LPP: variants seen among roughly 807,000 people sequenced by gnomAD.
LPP encodes the protein LIM domain containing preferred translocation partner in lipoma.
In LPP, 38 loss-of-function variants were observed where a neutral mutation model predicts 60.4. The ratio of observed to expected loss-of-function variants is 0.63; its 90% CI spans 0.49 to 0.83. The LOEUF (loss-of-function observed/expected upper bound fraction) is 0.83, where lower values mean the gene tolerates loss of function less well. Among genes scored for constraint, LPP ranks in the 40% least tolerant of loss-of-function variants. The pLI is 0.00. For missense variants in LPP, 902 were observed against 783.6 expected (o/e 1.15, Z -1.80); for synonymous variants, 328 against 290.8 (o/e 1.13, Z -1.30).
At chr3:188,279,636 T>C (rs921928123) in intron 2 of LPP, among the ~76,000 whole-genome samples, 2 of 152,202 alleles carry the variant, frequency 1.3e-5, no homozygotes, top group Non-Finnish European at 2.9e-5. Context: ...AAGACCATCA[T>C]TTCTGTATCT....
Position 188,885,038 on chromosome 3 carries a change from T to C in LPP, c.*10559T>C, listed in dbSNP as rs1490415667. 2.3e-5 allele frequency: 5 copies of C among 214,392 alleles called. No homozygotes were observed. The East Asian group carries it at 2.8e-4, about 12-fold the overall frequency. The allele number at this position is 214,392 out of a possible 1,614,324, so 13.3% of individuals were successfully genotyped here. On this transcript the variant is annotated 3_prime_UTR_variant, in exon 12 of 12. Transcript: ENST00000617246. ...CCTCCTAGAAAGTCTCCATGTATGC[T>C]CTAGAAGTTGCTCTACGTAACAGTT...
chr3:188,439,426 A>G (rs1037379363), intron 4 of LPP, among the ~76,000 whole-genome samples: 1 of 152,240 alleles, frequency 6.6e-6, no homozygotes, highest in Non-Finnish European at 1.5e-5. Flanking sequence ...CTTGGCAGAG[A>G]GTAAAACAAA....
intron 6 of LPP, among the ~76,000 whole-genome samples, chr3:188,570,656 T>C (rs1047659360): frequency 6.6e-6 from 1 of 152,006 alleles, no homozygotes; most frequent in African/African-American, 2.4e-5. Context: ...TTAATCAATC[T>C]TAGTATTTCC....
At chr3:188,469,238 G>A (rs544137093) in intron 4 of LPP, among the ~76,000 whole-genome samples, 2 of 152,240 alleles carry the variant, frequency 1.3e-5, no homozygotes, top group African/African-American at 4.8e-5. Flanking sequence ...CTTAACCTTT[G>A]CAGATGTGGG....
chr3:188,470,681 T>C (rs1029781963), intron 4 of LPP, among the ~76,000 whole-genome samples: 3 of 152,004 alleles, frequency 2.0e-5, no homozygotes, highest in Non-Finnish European at 4.4e-5. Flanking sequence ...AGGATAGTAG[T>C]GTAGGGTGAC....
At chr3:188,448,390 A>ATATC (rs1795791176) in intron 4 of LPP, among the ~76,000 whole-genome samples, 3 of 151,770 alleles carry the variant, frequency 2.0e-5, no homozygotes, top group Admixed American at 2.0e-4. Flanking sequence ...CTATATTGAG[A>ATATC]TATCTATATT....
At chr3:188,324,719 T>C (rs1444159260) in intron 2 of LPP, among the ~76,000 whole-genome samples, 4 of 152,172 alleles carry the variant, frequency 2.6e-5, no homozygotes, top group South Asian at 4.1e-4. Flanking sequence ...GTGGCCTTTT[T>C]CCACACCATC....
At chr3:188,848,177 C>A (rs193077962) in intron 9 of LPP, among the ~76,000 whole-genome samples, 82 of 152,298 alleles carry the variant, frequency 5.4e-4, no homozygotes, top group African/African-American at 1.9e-3. Flanking sequence ...ATGATCTTAT[C>A]TAATTGTTAT....
At chr3:188,593,722 C>G (rs1175443470) in intron 6 of LPP, among the ~76,000 whole-genome samples, 2 of 152,136 alleles carry the variant, frequency 1.3e-5, no homozygotes, top group Non-Finnish European at 2.9e-5. Flanking sequence ...AGTTACTTCA[C>G]TTAGAATAAT....
intron 3 of LPP, among the ~76,000 whole-genome samples, chr3:188,404,212 A>G (rs973256142): frequency 1.3e-5 from 2 of 152,124 alleles, no homozygotes; most frequent in African/African-American, 4.8e-5. Flanking sequence ...GGTTGCCATA[A>G]AAATTCTGAG....
intron 1 of LPP, among the ~76,000 whole-genome samples, chr3:188,205,277 CT>C (rs34713244): frequency 0.043 from 4,398 of 103,434 alleles, 53 homozygotes; most frequent in African/African-American, 0.067. Flanking sequence ...AGATTATAAT[CT>C]TTTTTTTTTT....
At chr3:188,520,682 C>G (rs775193465) in intron 5 of LPP, among the ~76,000 whole-genome samples, 1 of 152,166 alleles carries the variant, frequency 6.6e-6, no homozygotes, top group Non-Finnish European at 1.5e-5. Flanking sequence ...TTCTCACAGG[C>G]ATTGTTTTTC....
intron 1 of LPP, among the ~76,000 whole-genome samples, chr3:188,175,629 A>C (rs990836051): frequency 1.3e-5 from 2 of 152,192 alleles, no homozygotes; most frequent in African/African-American, 4.8e-5. Flanking sequence ...TTGCTAATCT[A>C]CGAGTATTTC....
At chr3:188,281,997 C>A (rs1345417839) in intron 2 of LPP, among the ~76,000 whole-genome samples, 1 of 152,002 alleles carries the variant, frequency 6.6e-6, no homozygotes, top group East Asian at 1.9e-4. Context: ...CTCACCTTGC[C>A]CTTTGGGAGA....
chr3:188,309,624 A>T (rs1247293784), intron 2 of LPP, among the ~76,000 whole-genome samples: 1 of 150,650 alleles, frequency 6.6e-6, no homozygotes, highest in Non-Finnish European at 1.5e-5. Flanking sequence ...ATCCACAGAC[A>T]AAAATTGAGC....
At chr3:188,840,342 G>A (rs1759622603) in intron 9 of LPP, among the ~76,000 whole-genome samples, 2 of 152,164 alleles carry the variant, frequency 1.3e-5, no homozygotes, top group Admixed American at 6.5e-5. Context: ...CTTAGACCTA[G>A]AGACTAGATA....
chr3:188,393,260 C>G (rs900947376), intron 3 of LPP, among the ~76,000 whole-genome samples: 2 of 152,054 alleles, frequency 1.3e-5, no homozygotes, highest in African/African-American at 4.8e-5. Flanking sequence ...ATAATAGTTT[C>G]TGCTAGGTTT....
At chr3:188,200,440 G>T (rs1163082709) in intron 1 of LPP, among the ~76,000 whole-genome samples, 1 of 152,110 alleles carries the variant, frequency 6.6e-6, no homozygotes, top group Non-Finnish European at 1.5e-5. Context: ...AGTGGAGACG[G>T]GGTTTCATCA....
chr3:188,603,023 AAATAATAATAAT>A (rs57026715), intron 6 of LPP, among the ~76,000 whole-genome samples: 19,034 of 146,552 alleles, frequency 0.13, 1,607 homozygotes, highest in East Asian at 0.35. Flanking sequence ...CTTGTGTTTG[AAATAATAATAAT>A]AATAATAATA....
Sources: allele counts gnomAD v4.1 joint callset (sites outside exome capture counted in the v4.1 genomes callset), GRCh38; gene constraint gnomAD v4.1.1; transcripts MANE v1.5; gene names NCBI Gene and HGNC (gene_info 2026-07-23, HGNC 2026-07-21).